HSD17B3: variants seen among roughly 807,000 people sequenced by gnomAD.
HSD17B3 encodes hydroxysteroid 17-beta dehydrogenase 3, also known as 17-beta-hydroxysteroid dehydrogenase type 3.
A neutral mutation model predicts 41.1 loss-of-function variants in HSD17B3; 29 were observed. The ratio of observed to expected loss-of-function variants is 0.71; its 90% CI spans 0.53 to 0.96. HSD17B3 has a LOEUF of 0.96. Among genes scored for constraint, HSD17B3 ranks in the 40% least tolerant of loss-of-function variants. The pLI, the probability that HSD17B3 is intolerant of heterozygous loss-of-function variation, is 0.00. For missense variants in HSD17B3, 323 were observed against 374.6 expected (o/e 0.86, Z 1.14); for synonymous variants, 126 against 145.6 (o/e 0.87, Z 0.97).
rs1376599281 is a variant in HSD17B3 at position 96,250,062 on chromosome 9, T to C, written c.454-276A>G. ...ACTCGGAACTATATTCCTGGAGGAA[T>C]ATAAATACGGTTTTTCAAAGGGAGC... is the stretch of plus-strand genomic sequence containing the variant. On this transcript the variant is annotated intron_variant, in intron 5 of 10. Coordinates refer to ENST00000375263, the MANE Select transcript of HSD17B3 (RefSeq NM_000197.2). The C allele has an allele frequency of 2.8e-6, 4 of 1,404,004 alleles. No homozygotes were observed. In the African/African-American group the frequency reaches 5.8e-5, roughly 20 times the overall value. The allele number at this position is 1,404,004 out of a possible 1,614,324, so 87.0% of individuals were successfully genotyped here.
chr9:96,285,122 A>C (rs1162360917), intron 2 of HSD17B3, among the ~76,000 whole-genome samples: 5 of 152,198 alleles, frequency 3.3e-5, no homozygotes, highest in African/African-American at 1.2e-4. Context: ...TACAGGCGTG[A>C]GCCACTGCAC....
intron 2 of HSD17B3, among the ~76,000 whole-genome samples, chr9:96,261,702 AGG>A (rs1438611122): frequency 6.6e-6 from 1 of 152,228 alleles, no homozygotes; most frequent in Non-Finnish European, 1.5e-5. Flanking sequence ...AGACCCAGAG[AGG>A]GAGACACGCA....
intron 2 of HSD17B3, among the ~76,000 whole-genome samples, chr9:96,291,781 A>T (rs1233989090): frequency 6.6e-6 from 1 of 151,994 alleles, no homozygotes; most frequent in Non-Finnish European, 1.5e-5. Flanking sequence ...ACGAGGTGAA[A>T]CCCCGTCTCT....
chr9:96,240,073 G>T (rs1015773487), intron 10 of HSD17B3, among the ~76,000 whole-genome samples: 12 of 152,014 alleles, frequency 7.9e-5, no homozygotes, highest in Non-Finnish European at 1.5e-4. Context: ...GGCCTGTCGG[G>T]GGGTGGGGGG....
At chr9:96,279,352 T>C (rs1361516362) in intron 2 of HSD17B3, among the ~76,000 whole-genome samples, 1 of 151,818 alleles carries the variant, frequency 6.6e-6, no homozygotes, top group Non-Finnish European at 1.5e-5. Flanking sequence ...CTCAAAGGGG[T>C]GGGTGTGGGG....
chr9:96,272,766 G>T (rs1003025914), intron 2 of HSD17B3, among the ~76,000 whole-genome samples: 17 of 151,772 alleles, frequency 1.1e-4, no homozygotes, highest in African/African-American at 4.1e-4. Flanking sequence ...ATATATGAAA[G>T]TTAACAGCAG....
chr9:96,271,930 G>C (rs1826257701), intron 2 of HSD17B3, among the ~76,000 whole-genome samples: 1 of 152,032 alleles, frequency 6.6e-6, no homozygotes, highest in Admixed American at 6.5e-5. Context: ...GTTAGGAAGA[G>C]GCCTTTATTT....
chr9:96,288,055 C>T (rs191381510), intron 2 of HSD17B3, among the ~76,000 whole-genome samples: 7 of 152,118 alleles, frequency 4.6e-5, no homozygotes, highest in African/African-American at 7.2e-5. Flanking sequence ...TCACGGAGAA[C>T]GGCATGTTGT....
At position 96,235,532 on chromosome 9, in the gene HSD17B3, G is replaced by T; in HGVS notation, c.861C>A (p.Tyr287Ter). The change falls in exon 11 of 11, where the codon TAC becomes TAA. Residue 287 changes from tyrosine to a stop codon, truncating the protein, a stop_gained. Coordinates refer to ENST00000375263, the MANE Select transcript of HSD17B3 (RefSeq NM_000197.2). LOFTEE classifies it low-confidence loss of function (END_TRUNC). ...GGAGCAGCCTTTGGAAGGCACCGCT[G>T]TAGAAGGCCCAGGCCGGGATCAGGC... Reference protein sequence around the residue: ...FLSLIPAWAFYSGAFQRLLLT... With the variant: ...FLSLIPAWAF 6.2e-7 allele frequency: 1 copy of T among 1,614,152 alleles called. No homozygotes were observed. Among genetic ancestry groups the T allele is most frequent in the Non-Finnish European group, 8.5e-7 (1 of 1,180,014 alleles).
At position 96,239,128 on chromosome 9, in the gene HSD17B3, G is replaced by A. The variant is rs1836337011; in HGVS notation, c.822+1630C>T. ...ACTGGCCAAGTCAAAAGGACAGAAA[G>A]GTTCATCTCCCTCATCCTTGACAGA... On this transcript the variant is annotated intron_variant, in intron 10 of 10. Transcript: ENST00000375263. 3.3e-5 allele frequency among the ~76,000 whole-genome samples: 5 copies of A among 152,300 alleles called. No homozygotes were observed. In the South Asian group the frequency reaches 1.0e-3, roughly 32 times the overall value.
intron 2 of HSD17B3, among the ~76,000 whole-genome samples, chr9:96,272,326 G>A (rs1020052668): frequency 9.1e-5 from 13 of 142,916 alleles, no homozygotes; most frequent in Non-Finnish European, 1.4e-4. Context: ...GCAGTAAGCC[G>A]AGATCATGCC....
At chr9:96,277,557 A>G (rs560385761) in intron 2 of HSD17B3, among the ~76,000 whole-genome samples, 1 of 152,362 alleles carries the variant, frequency 6.6e-6, no homozygotes, top group Non-Finnish European at 1.5e-5. Context: ...ACTATAAAAA[A>G]GACAAAAGAT....
intron 10 of HSD17B3, among the ~76,000 whole-genome samples, chr9:96,240,094 G>A (rs1484655673): frequency 5.9e-5 from 9 of 152,180 alleles, no homozygotes; most frequent in African/African-American, 2.2e-4. Flanking sequence ...CAAGGGGAGA[G>A]AGAGCATTAG....
chr9:96,278,276 CAAGAA>C (rs1161027268), intron 2 of HSD17B3, among the ~76,000 whole-genome samples: 1 of 152,006 alleles, frequency 6.6e-6, no homozygotes, highest in African/African-American at 2.4e-5. Context: ...CAAAAAAGAA[CAAGAA>C]AAGATCATGG....
intron 2 of HSD17B3, among the ~76,000 whole-genome samples, chr9:96,291,964 GA>G (rs56286830): frequency 9.1e-5 from 13 of 142,518 alleles, no homozygotes; most frequent in East Asian, 8.2e-4. Context: ...CTCAAAAAAA[GA>G]AAAAAAAAAG....
At chr9:96,300,305 A>ATTTGAAATATAAGG (rs1554705325) in intron 1 of HSD17B3, among the ~76,000 whole-genome samples, 112 of 145,260 alleles carry the variant, frequency 7.7e-4, no homozygotes, top group Admixed American at 1.6e-3. Context: ...GTCATCCCAA[A>ATTTGAAATATAAGG]CAATTTCTCA....
Position 96,250,612 on chromosome 9 carries a change from C to T in HSD17B3, c.453+806G>A, listed in dbSNP as rs555255173. On this transcript the variant is annotated intron_variant, in intron 5 of 10. Transcript: ENST00000375263. Reference sequence around the variant, plus strand: ...TCAAAAACTGTTAAATGCGGCCGGGCGCAGTGGTTCACGCCTGTCATCCCA... The same window carrying T: ...TCAAAAACTGTTAAATGCGGCCGGGTGCAGTGGTTCACGCCTGTCATCCCA... The T allele has an allele frequency of 3.4e-4, 121 of 353,604 alleles. No individual in the cohort carries two copies. The South Asian group carries it at 0.013, about 38-fold the overall frequency. The allele number at this position is 353,604 out of a possible 1,614,324, so 21.9% of individuals were successfully genotyped here.
chr9:96,260,829 A>G (rs1019176516), intron 2 of HSD17B3, among the ~76,000 whole-genome samples: 1 of 152,162 alleles, frequency 6.6e-6, no homozygotes. Flanking sequence ...GAATGTGTGA[A>G]AAGGATTTCT....
intron 2 of HSD17B3, among the ~76,000 whole-genome samples, chr9:96,255,180 A>C (rs892727755): frequency 1.3e-5 from 2 of 152,040 alleles, no homozygotes; most frequent in Non-Finnish European, 2.9e-5. Flanking sequence ...TTGTGTGTTT[A>C]TTGTGTGCGG....
Sources: gnomAD v4.1 joint callset for allele counts (sites outside exome capture counted in the v4.1 genomes callset) on GRCh38, gnomAD v4.1.1 for gene constraint, MANE v1.5 for transcripts, NCBI Gene and HGNC (gene_info 2026-07-23, HGNC 2026-07-21) for gene names.